The following ASB2 variants were observed in gnomAD, a reference collection of about 807,000 sequenced individuals.
The protein encoded by ASB2 is ankyrin repeat and SOCS box containing 2.
In ASB2, 58 loss-of-function variants were observed where a neutral mutation model predicts 62.4. The observed-to-expected ratio is 0.93, with a 90% CI of 0.75 to 1.16. The LOEUF is 1.16. ASB2 is among the 50% of genes most tolerant of loss of function. ASB2 has a pLI of 0.00. For synonymous variants in ASB2, 386 were observed against 385.3 expected, an observed-to-expected ratio of 1.00 and a Z score of -0.02; for missense variants, 928 against 887.9, an observed-to-expected ratio of 1.05 and a Z score of -0.57.
At chr14:93,966,819 C>T (rs1304340160) in intron 1 of ASB2, among the ~76,000 whole-genome samples, 1 of 152,062 alleles carries the variant, frequency 6.6e-6, no homozygotes, top group Non-Finnish European at 1.5e-5. Context: ...GGGCTGGGAC[C>T]CAGGGAATGC....
At chr14:93,946,258 G>C (rs918859881) in intron 7 of ASB2, among the ~76,000 whole-genome samples, 5 of 152,162 alleles carry the variant, frequency 3.3e-5, no homozygotes, top group Non-Finnish European at 5.9e-5. Context: ...ATGAAAATCC[G>C]GGTTGACCCG....
intron 5 of ASB2, among the ~76,000 whole-genome samples, chr14:93,952,956 C>A (rs1387108869): frequency 6.6e-6 from 1 of 152,216 alleles, no homozygotes; most frequent in Non-Finnish European, 1.5e-5. Context: ...TTTGCCTGTG[C>A]GGTTCCCGCT....
At chr14:93,960,597 G>A (rs1020390342) in intron 2 of ASB2, among the ~76,000 whole-genome samples, 1 of 152,200 alleles carries the variant, frequency 6.6e-6, no homozygotes, top group Admixed American at 6.5e-5. Flanking sequence ...CACTTCATGG[G>A]TTCATGGACC....
rs1889084327 is a variant in ASB2, at chr14:93,954,171, C to G, written c.478+146G>C. The G allele has an allele frequency of 5.7e-6, 4 of 699,088 alleles. No individual in the cohort carries two copies. In the South Asian group the frequency reaches 7.0e-5, roughly 12 times the overall value. 43.3% of individuals were successfully genotyped at this position (699,088 alleles called of 1,614,324 possible). On this transcript the variant is annotated intron_variant, in intron 4 of 9. Transcript: ENST00000555019. ...ACAACTCATTTCCCCTCTCGTAACT[C>G]CATGACTAACTGACAAATGAAAGTG...
Position 93,953,500 on chromosome 14 carries a change from T to C in ASB2, c.486A>G (p.Pro162=), listed in dbSNP as rs147297302. 2 of 1,587,220 alleles carry C rather than the reference T, an allele frequency of 1.3e-6. No homozygotes were observed. The highest frequency in any genetic ancestry group is 2.2e-5 in the South Asian group (2 of 89,448). Residue 162 remains proline, a synonymous_variant, in exon 5 of 10, where the codon CCA becomes CCG. Transcript: ENST00000555019. ...GCAGGGTGCGCTGGTCGATGGTCCCTGGGTACGCTAGGGAGGGCCCACCGG... is the reference window on the plus strand; with the variant it reads ...GCAGGGTGCGCTGGTCGATGGTCCCCGGGTACGCTAGGGAGGGCCCACCGG... ...GCLKVLQRAY[P]GTIDQRTLQE...
At chr14:93,935,546 A>G (rs1189894674) in intron 9 of ASB2, among the ~76,000 whole-genome samples, 1 of 152,192 alleles carries the variant, frequency 6.6e-6, no homozygotes, top group African/African-American at 2.4e-5. Flanking sequence ...AGGCTTCCAC[A>G]AGAGACGGTG....
At chr14:93,940,328 G>A (rs1036402682) in intron 7 of ASB2, 1 of 152,218 alleles carries the variant, frequency 6.6e-6, no homozygotes, top group African/African-American at 2.4e-5. Context: ...TTCCCATTTT[G>A]CAGATGAGAA....
intron 1 of ASB2, among the ~76,000 whole-genome samples, chr14:93,972,956 C>T (rs1243996296): frequency 3.3e-5 from 5 of 152,206 alleles, no homozygotes; most frequent in Admixed American, 6.5e-5. Flanking sequence ...CCACCACCAC[C>T]GGCTGCGTCA....
In ASB2 at chr14:93,962,964, C is replaced by T. The variant is rs147203873; in HGVS notation, c.206+1370G>A. ...TCTCAGATTGGGTTTCAGAATGGAA[C>T]GTCCTCGGGGGCAGCTTAGTAACCT... On this transcript the variant is annotated intron_variant, in intron 2 of 9. Coordinates refer to ENST00000555019, the MANE Select transcript of ASB2 (RefSeq NM_001202429.2). Among the ~76,000 whole-genome samples the T allele has an allele frequency of 1.6e-3, 246 of 152,318 alleles. 1 individual carries two copies. The highest frequency in any genetic ancestry group is 5.1e-3 in the African/African-American group (213 of 41,572).
rs1163756905 is a variant in ASB2 at position 93,947,456 on chromosome 14, C to T, written c.945G>A (p.Glu315=). The T allele has an allele frequency of 6.2e-7, 1 of 1,614,242 alleles. No individual in the cohort carries two copies. ...ASALYEACKN[E]HEEVVEFLLS... is the part of the protein sequence containing the mutation. ...GCAGAAACTCCACCACCTCCTCATG[C>T]TCATTCTTGCAGGCCTCGTAGAGGG... Residue 315 remains glutamate, a synonymous_variant, in exon 7 of 10, where the codon GAG becomes GAA. Transcript: ENST00000555019.
At chr14:93,964,895 C>T (rs1398861173) in intron 1 of ASB2, among the ~76,000 whole-genome samples, 3 of 152,002 alleles carry the variant, frequency 2.0e-5, no homozygotes, top group Non-Finnish European at 4.4e-5. Context: ...CCCATCCATC[C>T]ACCCCTCTAT....
chr14:93,947,148 T>C (rs2141284655), intron 7 of ASB2, among the ~76,000 whole-genome samples: 1 of 152,374 alleles, frequency 6.6e-6, no homozygotes, highest in African/African-American at 2.4e-5. Flanking sequence ...CAGTTGCTGT[T>C]GTTACAGGCA....
chr14:93,944,044 A>G (rs1888631065), intron 7 of ASB2: 1 of 455,710 alleles, frequency 2.2e-6, no homozygotes, highest in African/African-American at 2.0e-5. Context: ...AGGCTCTAAG[A>G]TCCTGATTCT....
chr14:93,970,060 C>T (rs752606557), intron 1 of ASB2: 2 of 152,248 alleles, frequency 1.3e-5, no homozygotes, highest in Admixed American at 1.3e-4. Flanking sequence ...CTCCTAGTAC[C>T]TTCCCCTCTC....
chr14:93,941,714 C>A (rs1431274164), intron 7 of ASB2: 1 of 456,134 alleles, frequency 2.2e-6, no homozygotes, highest in South Asian at 1.5e-5. Flanking sequence ...TGCCCCGGGG[C>A]CGCTGGACAG....
chr14:93,941,736 A>G (rs1888534123), intron 7 of ASB2: 1 of 455,276 alleles, frequency 2.2e-6, no homozygotes, highest in Non-Finnish European at 4.4e-6. Flanking sequence ...TGGGGCTGGT[A>G]TCTCTGGCAG....
chr14:93,975,928 C>T (rs1056651713), intron 1 of ASB2, among the ~76,000 whole-genome samples: 1 of 152,234 alleles, frequency 6.6e-6, no homozygotes, highest in African/African-American at 2.4e-5. Flanking sequence ...ATTTCCTCTC[C>T]TAATCCCCAA....
At chr14:93,959,169 C>G (rs896884622) in intron 2 of ASB2, among the ~76,000 whole-genome samples, 2 of 152,184 alleles carry the variant, frequency 1.3e-5, no homozygotes, top group Non-Finnish European at 2.9e-5. Context: ...ACAAAGAGTT[C>G]CCAGCTCTGG....
chr14:93,971,316 CA>C (rs1889751007), intron 1 of ASB2, among the ~76,000 whole-genome samples: 1 of 152,176 alleles, frequency 6.6e-6, no homozygotes, highest in Non-Finnish European at 1.5e-5. Flanking sequence ...AGCTTGGGTG[CA>C]GGATGGATTC....
Sources: gnomAD v4.1 joint callset for allele counts (sites outside exome capture counted in the v4.1 genomes callset) on GRCh38, gnomAD v4.1.1 for gene constraint, MANE v1.5 for transcripts, NCBI Gene and HGNC (gene_info 2026-07-23, HGNC 2026-07-21) for gene names.